IRAK3: variants seen among roughly 807,000 people sequenced by gnomAD.
IRAK3 encodes the protein interleukin-1 receptor-associated kinase 3.
A neutral mutation model predicts 56.6 loss-of-function variants in IRAK3; 57 were observed. That is an observed-to-expected ratio of 1.01 (90% CI 0.81 to 1.26). IRAK3 has a LOEUF of 1.26. Among genes scored for constraint, IRAK3 ranks in the 50% most tolerant of loss-of-function variants. The pLI is 0.00. For synonymous variants in IRAK3, 258 were observed against 255.7 expected (o/e 1.01, Z -0.09); for missense variants, 703 against 719.0 (o/e 0.98, Z 0.25).
At chr12:66,225,579 G>T (rs1163371545) in intron 6 of IRAK3, among the ~76,000 whole-genome samples, 3 of 151,978 alleles carry the variant, frequency 2.0e-5, no homozygotes, top group African/African-American at 7.3e-5. Context: ...CCCCAAGCCT[G>T]CCCAGAACAT....
rs2053067546 is a variant in IRAK3 at position 66,249,135 on chromosome 12, C to G, written c.*964C>G. The G allele has an allele frequency of 6.6e-6, 1 of 152,020 alleles. No homozygotes were observed. Among genetic ancestry groups the G allele is most frequent in the African/African-American group, 2.4e-5 (1 of 41,404 alleles). The allele number at this position is 152,020 out of a possible 1,614,324, so 9.4% of individuals were successfully genotyped here. A position where few individuals can be genotyped will look rare whatever the true frequency, so the allele number is the denominator to read the frequency against. ...TTGTATTTCTATTTTATATTTATCA[C>G]TTTCTGAATTATATCAAAGCTGCTT... On this transcript the variant is annotated 3_prime_UTR_variant, in exon 12 of 12. Transcript: ENST00000261233.
chr12:66,190,569 T>C (rs146699481), intron 1 of IRAK3, among the ~76,000 whole-genome samples: 2 of 152,294 alleles, frequency 1.3e-5, no homozygotes, highest in African/African-American at 4.8e-5. Flanking sequence ...TTAGTCCAGT[T>C]TAATGTTGGT....
intron 5 of IRAK3, among the ~76,000 whole-genome samples, chr12:66,213,895 T>C (rs1005172619): frequency 6.6e-6 from 1 of 151,254 alleles, no homozygotes; most frequent in Non-Finnish European, 1.5e-5. Flanking sequence ...CAAAAACAAA[T>C]GGGGAAACCA....
chr12:66,228,465 G>A lies in IRAK3; in HGVS notation c.887+95G>A. On this transcript the variant is annotated intron_variant, in intron 8 of 11. Coordinates refer to ENST00000261233, the MANE Select transcript of IRAK3 (RefSeq NM_007199.3). ...CACTATTCTCTGCTGTAGTTCTCCT[G>A]GTATGTATGTGTGTGTGTTAAGAAT... 3 of 852,672 alleles carry A rather than the reference G, an allele frequency of 3.5e-6. No individual in the cohort carries two copies. In the East Asian group the frequency reaches 7.2e-5, roughly 21 times the overall value. The allele number at this position is 852,672 out of a possible 1,614,324, so 52.8% of individuals were successfully genotyped here.
intron 11 of IRAK3, among the ~76,000 whole-genome samples, chr12:66,246,283 C>G (rs1403080897): frequency 6.6e-6 from 1 of 152,088 alleles, no homozygotes; most frequent in Non-Finnish European, 1.5e-5. Flanking sequence ...GCCCATGGTG[C>G]TAAGACCACA....
In IRAK3 at chr12:66,250,094, T is replaced by C. The variant is rs955668184; in HGVS notation, c.*1923T>C. 1 of 152,182 alleles carries C rather than the reference T, an allele frequency of 6.6e-6. No homozygotes were observed. The highest frequency in any genetic ancestry group is 1.5e-5 in the Non-Finnish European group (1 of 68,036). The allele number at this position is 152,182 out of a possible 1,614,324, so 9.4% of individuals were successfully genotyped here. On this transcript the variant is annotated 3_prime_UTR_variant, in exon 12 of 12. Transcript: ENST00000261233. The stretch of plus-strand genomic sequence containing the variant: ...TACCCCTATGAAGCCACATAATCAA[T>C]AATTCAGCTATAATAAACATTGCCG...
Position 66,244,546 on chromosome 12 carries a change from CT to C in IRAK3, c.950del (p.Phe317SerfsTer5), listed in dbSNP as rs766774108. 6.2e-7 allele frequency: 1 copy of C among 1,614,048 alleles called. No individual in the cohort carries two copies. Among genetic ancestry groups the C allele is most frequent in the Admixed American group, 1.7e-5 (1 of 60,016 alleles). On this transcript the variant is annotated frameshift_variant, in exon 9 of 12. Transcript: ENST00000261233. LOFTEE classifies it high-confidence loss of function. ...PKLTDFAMAHFRSHLEHQSCT... is the reference protein window; with the variant it reads ...PKLTDFAMAHXRSHLEHQSCT... ...AACTAACTGATTTTGCCATGGCACA[CT>C]TCCGGTCCCACCTAGAACATCAGAG...
In IRAK3 at chr12:66,254,318, TGC is replaced by T. The variant is rs2053132521; in HGVS notation, c.*6148_*6149del. On this transcript the variant is annotated 3_prime_UTR_variant, in exon 12 of 12. Coordinates refer to ENST00000261233, the MANE Select transcript of IRAK3 (RefSeq NM_007199.3). ...TAAAAGATGGATTAAATAAATTCCA[TGC>T]AGTTGTCATTTAAAAATATTTAGAT... is the stretch of plus-strand genomic sequence containing the variant. 6.6e-6 allele frequency: 1 copy of T among 152,162 alleles called. No individual in the cohort carries two copies. The highest frequency in any genetic ancestry group is 1.9e-4 in the East Asian group (1 of 5,206). The allele number at this position is 152,162 out of a possible 1,614,324, so 9.4% of individuals were successfully genotyped here.
intron 8 of IRAK3, among the ~76,000 whole-genome samples, chr12:66,232,988 A>ATATTATTAT (rs147774283): frequency 0.012 from 1,811 of 149,552 alleles, 29 homozygotes; most frequent in African/African-American, 0.042. Flanking sequence ...TAACCCTTTG[A>ATATTATTAT]TATTATTATT....
chr12:66,193,460 A>G (rs1592572402), intron 1 of IRAK3, among the ~76,000 whole-genome samples: 1 of 152,288 alleles, frequency 6.6e-6, no homozygotes, highest in South Asian at 2.1e-4. Context: ...CATTCATTAC[A>G]ATATTGACAC....
At chr12:66,238,842 C>T (rs2052934755) in intron 8 of IRAK3, among the ~76,000 whole-genome samples, 1 of 152,154 alleles carries the variant, frequency 6.6e-6, no homozygotes, top group African/African-American at 2.4e-5. Flanking sequence ...GTTATAAAAA[C>T]AAAACCTGCT....
At chr12:66,231,438 G>A (rs1025284879) in intron 8 of IRAK3, among the ~76,000 whole-genome samples, 20 of 152,212 alleles carry the variant, frequency 1.3e-4, no homozygotes, top group Admixed American at 1.1e-3. Context: ...TGTGTGCAGA[G>A]CATTGTGTTA....
chr12:66,242,432 G>A (rs2052979670), intron 8 of IRAK3, among the ~76,000 whole-genome samples: 1 of 152,196 alleles, frequency 6.6e-6, no homozygotes, highest in African/African-American at 2.4e-5. Context: ...TCTGACTCTA[G>A]TCTGTTCCTC....
Position 66,248,105 on chromosome 12 carries a change from G to C in IRAK3, c.1725G>C (p.Arg575Ser). 14 of 1,609,950 alleles carry C rather than the reference G, an allele frequency of 8.7e-6. No individual in the cohort carries two copies. Among genetic ancestry groups the C allele is most frequent in the Non-Finnish European group, 1.2e-5 (14 of 1,178,218 alleles). ...SEAPGHSCRSRPVESSCSSKF... is the reference protein window; with the variant it reads ...SEAPGHSCRSSPVESSCSSKF... ...CTCCAGGGCATTCTTGCAGGAGCAG[G>C]CCAGTGGAGAGCAGCTGTTCCTCCA... The change falls in exon 12 of 12, where the codon AGG becomes AGC. Residue 575 changes from arginine to serine, a missense_variant. Transcript: ENST00000261233.
chr12:66,210,101 T>C (rs766548218), intron 3 of IRAK3, 46 bp from the exon 4 acceptor site: 15 of 1,240,884 alleles, frequency 1.2e-5, no homozygotes, highest in Non-Finnish European at 3.6e-6. Flanking sequence ...CTGTTCTTTC[T>C]AGATGTATGA....
chr12:66,206,309 T>A (rs979848596), intron 2 of IRAK3, among the ~76,000 whole-genome samples: 2 of 152,216 alleles, frequency 1.3e-5, no homozygotes, highest in Non-Finnish European at 2.9e-5. Context: ...CCTTATCTTG[T>A]TCCTGACCTT....
Position 66,209,524 on chromosome 12 carries a change from G to A in IRAK3, c.381+4G>A. ...ATTTCCAAATATATTATTCAAGGTA[G>A]AGTATGTGTGCATAGAAAATGAGCC... On this transcript the variant is annotated splice_donor_region_variant and intron_variant, in intron 3 of 11. Transcript: ENST00000261233. 4 of 1,533,982 alleles carry A rather than the reference G, an allele frequency of 2.6e-6. No individual in the cohort carries two copies. The highest frequency in any genetic ancestry group is 3.6e-6 in the Non-Finnish European group (4 of 1,107,140).
In IRAK3 at chr12:66,250,204, A is replaced by C. The variant is rs900369245; in HGVS notation, c.*2033A>C. ...AAACCATTTTCAGAGGATTTACTGAATTTTCCTCTCCAAGGAGCTTGTAAT... is the reference window on the plus strand; with the variant it reads ...AAACCATTTTCAGAGGATTTACTGACTTTTCCTCTCCAAGGAGCTTGTAAT... On this transcript the variant is annotated 3_prime_UTR_variant, in exon 12 of 12. Coordinates refer to ENST00000261233, the MANE Select transcript of IRAK3 (RefSeq NM_007199.3). The C allele has an allele frequency of 6.6e-6, 1 of 152,222 alleles. No homozygotes were observed. The highest frequency in any genetic ancestry group is 2.4e-5 in the African/African-American group (1 of 41,458). The allele number at this position is 152,222 out of a possible 1,614,324, so 9.4% of individuals were successfully genotyped here.
intron 4 of IRAK3, 79 bp from the exon 5 acceptor site, chr12:66,211,367 T>C: frequency 9.1e-7 from 1 of 1,104,968 alleles, no homozygotes; most frequent in Non-Finnish European, 1.4e-6. Flanking sequence ...CTCTGATTTG[T>C]TTCTAATATA....
Sources: gnomAD v4.1 joint callset for allele counts (sites outside exome capture counted in the v4.1 genomes callset) on GRCh38, gnomAD v4.1.1 for gene constraint, MANE v1.5 for transcripts, NCBI Gene and HGNC (gene_info 2026-07-23, HGNC 2026-07-21) for gene names.